Variants in NR1I2 observed in about 807,000 individuals in gnomAD.
The protein encoded by NR1I2 is nuclear receptor subfamily 1 group I member 2.
NR1I2 carries 42 observed loss-of-function variants against 43.3 expected under a neutral mutation model. The observed-to-expected ratio is 0.97, with a 90% CI of 0.76 to 1.26. The LOEUF is 1.26. NR1I2 is among the 50% of genes most tolerant of loss of function. The probability of loss-of-function intolerance (pLI) is 0.00; values close to 1 mark genes in which losing one functional copy is unlikely to be tolerated. For synonymous variants in NR1I2, 229 were observed against 215.0 expected, an observed-to-expected ratio of 1.06 and a Z score of -0.57; for missense variants, 559 against 566.7, an observed-to-expected ratio of 0.99 and a Z score of 0.14.
intron 4 of NR1I2, among the ~76,000 whole-genome samples, chr3:119,812,000 C>G (rs2055250376): frequency 6.6e-6 from 1 of 152,122 alleles, no homozygotes; most frequent in South Asian, 2.1e-4. Flanking sequence ...CAGGGAGGGG[C>G]AGGACCCCCC....
intron 8 of NR1I2, among the ~76,000 whole-genome samples, chr3:119,816,191 C>T (rs752981620): frequency 6.6e-6 from 1 of 152,178 alleles, no homozygotes; most frequent in Non-Finnish European, 1.5e-5. Flanking sequence ...AACTGAAATC[C>T]TTATTTGGCC....
chr3:119,782,612 A>G (rs1054105063), intron 1 of NR1I2: 5 of 637,698 alleles, frequency 7.8e-6, no homozygotes, highest in Non-Finnish European at 2.9e-6. Flanking sequence ...GCTCCCTGTT[A>G]CAGGGCTGGA....
chr3:119,816,461 C>A (rs1255210215), intron 8 of NR1I2, among the ~76,000 whole-genome samples: 1 of 152,144 alleles, frequency 6.6e-6, no homozygotes, highest in African/African-American at 2.4e-5. Flanking sequence ...GCAGTGACAG[C>A]CCCACACCCC....
intron 1 of NR1I2, among the ~76,000 whole-genome samples, chr3:119,788,366 C>T (rs1410144923): frequency 6.6e-6 from 1 of 152,056 alleles, no homozygotes; most frequent in East Asian, 1.9e-4. Context: ...GATCCTCCTG[C>T]CTCAGCCCCC....
At chr3:119,800,114 T>C (rs997503055) in intron 1 of NR1I2, among the ~76,000 whole-genome samples, 3 of 152,244 alleles carry the variant, frequency 2.0e-5, no homozygotes, top group Admixed American at 6.5e-5. Context: ...AGTTTTATAG[T>C]TATAGCTCTT....
chr3:119,815,443 A>G lies in NR1I2; in HGVS notation c.1054+4A>G, dbSNP rs1190684922. 4.4e-6 allele frequency: 7 copies of G among 1,608,460 alleles called. No individual in the cohort carries two copies. Among genetic ancestry groups the G allele is most frequent in the African/African-American group, 1.3e-5 (1 of 74,778 alleles). On this transcript the variant is annotated splice_donor_region_variant and intron_variant, in intron 7 of 8. Coordinates refer to ENST00000393716, the MANE Select transcript of NR1I2 (RefSeq NM_003889.4). ...GCCATCTCCCTCTTCTCCCCAGGTGAGGATCTCCCCTAGGCTGCCTGACAT... is the reference window on the plus strand; with the variant it reads ...GCCATCTCCCTCTTCTCCCCAGGTGGGGATCTCCCCTAGGCTGCCTGACAT...
chr3:119,807,457 C>T lies in NR1I2; in HGVS notation c.197+10C>T. On this transcript the variant is annotated intron_variant, in intron 2 of 8. Transcript: ENST00000393716. Reference sequence around the variant, plus strand: ...GCAAGGGCTTTTTCAGGTAGAGTTACCCATCAGCCTTCACCCACGTGCCAC... The same window carrying T: ...GCAAGGGCTTTTTCAGGTAGAGTTATCCATCAGCCTTCACCCACGTGCCAC... 2 of 1,611,170 alleles carry T rather than the reference C, an allele frequency of 1.2e-6. No individual in the cohort carries two copies. The highest frequency in any genetic ancestry group is 1.7e-6 in the Non-Finnish European group (2 of 1,178,596).
chr3:119,791,835 T>C (rs2054923154), intron 1 of NR1I2: 1 of 539,678 alleles, frequency 1.9e-6, no homozygotes, highest in East Asian at 4.7e-5. Flanking sequence ...CTGCCAAGTG[T>C]TTGAGTCCAT....
chr3:119,817,357 G>T lies in NR1I2; in HGVS notation c.*145G>T. 1.3e-6 allele frequency: 2 copies of T among 1,534,820 alleles called. No homozygotes were observed. The highest frequency in any genetic ancestry group is 1.7e-6 in the Non-Finnish European group (2 of 1,144,982). ...TCCCTAGGGAATTCCTGCTATGACA[G>T]CTGGCTAGCATTCCTCAGGAAGGAC... On this transcript the variant is annotated 3_prime_UTR_variant, in exon 9 of 9. Coordinates refer to ENST00000393716, the MANE Select transcript of NR1I2 (RefSeq NM_003889.4).
Position 119,811,578 on chromosome 3 carries a change from T to C in NR1I2, c.371T>C (p.Leu124Ser), listed in dbSNP as rs201081582. 54 of 1,613,652 alleles carry C rather than the reference T, an allele frequency of 3.3e-5. No homozygotes were observed. The highest frequency in any genetic ancestry group is 5.9e-6 in the Non-Finnish European group (7 of 1,179,864). ...GAGGCCGTGGAGGAGAGGCGGGCCT[T>C]GATCAAGCGGAAGAAAAGTGAACGG... The change falls in exon 4 of 9, where the codon TTG becomes TCG. Residue 124 changes from leucine (L) to serine (S), a missense_variant. Leu to Ser is a moderately radical substitution (Grantham distance 145). This residue lies in a region of NR1I2 where 232 missense variants were observed against 236.6 expected (regional missense o/e 0.98). Transcript: ENST00000393716.
rs748183504 is a variant in NR1I2 at position 119,782,822 on chromosome 3, A to G, written c.-23+522A>G. On this transcript the variant is annotated intron_variant, in intron 1 of 8. Coordinates refer to ENST00000393716, the MANE Select transcript of NR1I2 (RefSeq NM_003889.4). ...CTCAGAGCACCTGCCATACCCCTGCACAGTGCTGCGGCTGAGTTGGCTTCA... is the reference window on the plus strand; with the variant it reads ...CTCAGAGCACCTGCCATACCCCTGCGCAGTGCTGCGGCTGAGTTGGCTTCA... 4 of 1,614,218 alleles carry G rather than the reference A, an allele frequency of 2.5e-6. No homozygotes were observed. The East Asian group carries it at 8.9e-5, about 36-fold the overall frequency.
intron 8 of NR1I2, 144 bp downstream of exon 8, chr3:119,815,975 C>A: frequency 1.4e-6 from 1 of 713,786 alleles, no homozygotes; most frequent in South Asian, 1.5e-5. Context: ...CTTTTGAGCA[C>A]TACCTAACCA....
intron 1 of NR1I2, among the ~76,000 whole-genome samples, chr3:119,787,820 T>G (rs2054865009): frequency 1.3e-5 from 2 of 152,112 alleles, no homozygotes; most frequent in African/African-American, 4.8e-5. Context: ...ATCGTGTGTA[T>G]GTATATGTAT....
At chr3:119,791,996 A>G (rs905919691) in intron 1 of NR1I2, 37 of 701,698 alleles carry the variant, frequency 5.3e-5, no homozygotes, top group Non-Finnish European at 8.5e-5. Flanking sequence ...TTCTCATACC[A>G]TGGGTACAGA....
At chr3:119,786,811 T>G (rs111744315) in intron 1 of NR1I2, among the ~76,000 whole-genome samples, 5 of 152,124 alleles carry the variant, frequency 3.3e-5, no homozygotes, top group African/African-American at 1.2e-4. Context: ...TTTGGCTATC[T>G]GAGTTTCCTC....
chr3:119,812,617 C>G, intron 4 of NR1I2, 69 bp from the exon 5 acceptor site: 3 of 1,594,320 alleles, frequency 1.9e-6, no homozygotes, highest in Non-Finnish European at 2.6e-6. Flanking sequence ...TGGCTGGGGC[C>G]TGAGTTGGGA....
chr3:119,814,133 G>A (rs75560300), intron 5 of NR1I2, among the ~76,000 whole-genome samples: 13 of 152,252 alleles, frequency 8.5e-5, no homozygotes, highest in South Asian at 2.1e-4. Context: ...AAGGATGGGC[G>A]CCAGTAGCAC....
chr3:119,816,398 C>A (rs910123277), intron 8 of NR1I2, among the ~76,000 whole-genome samples: 5 of 152,104 alleles, frequency 3.3e-5, no homozygotes, highest in Admixed American at 2.6e-4. Context: ...AGCCTGCAGC[C>A]CCTAACCTCC....
intron 7 of NR1I2, 131 bp downstream of exon 7, chr3:119,815,570 G>T: frequency 9.9e-7 from 1 of 1,005,702 alleles, no homozygotes; most frequent in Non-Finnish European, 1.6e-6. Flanking sequence ...GGTTTCTCCT[G>T]GGGTCAGTGG....
Sources: gnomAD v4.1 joint callset for allele counts (sites outside exome capture counted in the v4.1 genomes callset) on GRCh38, gnomAD v4.1.1 for gene constraint, gnomAD v4.1.1 regional missense constraint, MANE v1.5 for transcripts, NCBI Gene and HGNC (gene_info 2026-07-23, HGNC 2026-07-21) for gene names.